RAPGEF6: variants seen among roughly 807,000 people sequenced by gnomAD.
RAPGEF6 encodes the protein Rap guanine nucleotide exchange factor 6, also known as PDZ domain containing guanine nucleotide exchange factor (GEF) 2.
A neutral mutation model predicts 171.4 loss-of-function variants in RAPGEF6; 56 were observed. That is an observed-to-expected ratio of 0.33 (90% CI 0.26 to 0.41). RAPGEF6 has a LOEUF of 0.41. Among genes scored for constraint, RAPGEF6 ranks in the 10% least tolerant of loss-of-function variants. The probability of loss-of-function intolerance (pLI) is 1.00; values close to 1 mark genes in which losing one functional copy is unlikely to be tolerated. For missense variants in RAPGEF6, 1,674 were observed against 1,921.4 expected (o/e 0.87, Z 2.41); for synonymous variants, 692 against 650.1 (o/e 1.06, Z -0.98).
Position 131,430,968 on chromosome 5 carries a change from CT to C in RAPGEF6, c.4355del (p.Gln1452ArgfsTer36). 1 of 1,614,188 alleles carries C rather than the reference CT, an allele frequency of 6.2e-7. No homozygotes were observed. The highest frequency in any genetic ancestry group is 8.5e-7 in the Non-Finnish European group (1 of 1,180,034). On this transcript the variant is annotated frameshift_variant, in exon 26 of 28. Coordinates refer to ENST00000509018, the MANE Select transcript of RAPGEF6 (RefSeq NM_016340.6). LOFTEE classifies it high-confidence loss of function. Reference sequence around the variant, plus strand: ...CAGCTGGGGTGCTCTCCAATACTCTCTGTTTAACTGTCCCATAGTTTGGTTC... The same window carrying C: ...CAGCTGGGGTGCTCTCCAATACTCTCGTTTAACTGTCCCATAGTTTGGTTC... The part of the protein sequence containing the change: ...TYEPNYGTVK[Q>X]RVLESTPAES...
intron 1 of RAPGEF6, among the ~76,000 whole-genome samples, chr5:131,633,766 G>A (rs554249762): frequency 2.0e-5 from 3 of 152,072 alleles, no homozygotes; most frequent in Non-Finnish European, 4.4e-5. Flanking sequence ...AAATTAAATT[G>A]AAACCTGCAA....
chr5:131,565,878 G>A (rs1034589491), intron 4 of RAPGEF6, among the ~76,000 whole-genome samples: 1 of 152,122 alleles, frequency 6.6e-6, no homozygotes, highest in Admixed American at 6.5e-5. Flanking sequence ...AGGTATAGTG[G>A]CTCACGCCTG....
intron 4 of RAPGEF6, among the ~76,000 whole-genome samples, chr5:131,568,532 A>G (rs1762087319): frequency 6.6e-6 from 1 of 152,118 alleles, no homozygotes; most frequent in South Asian, 2.1e-4. Flanking sequence ...GTTGACAAGC[A>G]GATCTCAAAC....
At chr5:131,560,390 C>T (rs1003733763) in intron 5 of RAPGEF6, among the ~76,000 whole-genome samples, 1 of 152,178 alleles carries the variant, frequency 6.6e-6, no homozygotes, top group East Asian at 1.9e-4. Flanking sequence ...CCTATGATTT[C>T]TCCTTTTCTT....
In RAPGEF6 at chr5:131,442,336, G is replaced by C. The variant is rs780537851; in HGVS notation, c.3610+13C>G. Reference sequence around the variant, plus strand: ...TCAGGTAAACGGATGTAATATTAATGGTGAATACTCACTCAGTGCAGGGTC... The same window carrying C: ...TCAGGTAAACGGATGTAATATTAATCGTGAATACTCACTCAGTGCAGGGTC... On this transcript the variant is annotated intron_variant, in intron 23 of 27. Transcript: ENST00000509018. The C allele has an allele frequency of 6.3e-7, 1 of 1,598,684 alleles. No individual in the cohort carries two copies. The highest frequency in any genetic ancestry group is 8.5e-7 in the Non-Finnish European group (1 of 1,171,444).
At chr5:131,479,348 G>C (rs1236127530) in intron 16 of RAPGEF6, among the ~76,000 whole-genome samples, 165 bp downstream of exon 16, 1 of 152,154 alleles carries the variant, frequency 6.6e-6, no homozygotes, top group Non-Finnish European at 1.5e-5. Flanking sequence ...TCATGAAAGT[G>C]ATAGGGAGAA....
chr5:131,585,808 A>C (rs1159045080), intron 4 of RAPGEF6, among the ~76,000 whole-genome samples: 1 of 152,166 alleles, frequency 6.6e-6, no homozygotes, highest in Non-Finnish European at 1.5e-5. Context: ...CCTGGGCGGC[A>C]AGAGCGAAAC....
At chr5:131,519,155 C>G (rs962641460) in intron 7 of RAPGEF6, among the ~76,000 whole-genome samples, 3 of 152,148 alleles carry the variant, frequency 2.0e-5, no homozygotes, top group Admixed American at 6.5e-5. Context: ...AGCAGGTGTA[C>G]TCCAGTCTCA....
chr5:131,479,245 CA>C (rs960744183), intron 16 of RAPGEF6, among the ~76,000 whole-genome samples: 2 of 150,546 alleles, frequency 1.3e-5, no homozygotes, highest in African/African-American at 4.9e-5. Flanking sequence ...AAAAGTGGAC[CA>C]AAAATATTTA....
intron 21 of RAPGEF6, among the ~76,000 whole-genome samples, chr5:131,451,304 C>T (rs1753049656): frequency 6.6e-6 from 1 of 152,128 alleles, no homozygotes; most frequent in Non-Finnish European, 1.5e-5. Flanking sequence ...GACACCTAGG[C>T]CGGGTGCAGT....
chr5:131,517,479 G>A (rs1758167564), intron 7 of RAPGEF6, among the ~76,000 whole-genome samples: 1 of 149,470 alleles, frequency 6.7e-6, no homozygotes, highest in South Asian at 2.2e-4. Flanking sequence ...CCCCTCAACT[G>A]TCCAAATTAA....
chr5:131,451,045 G>A (rs1223197869), intron 21 of RAPGEF6, among the ~76,000 whole-genome samples: 1 of 152,184 alleles, frequency 6.6e-6, no homozygotes, highest in Non-Finnish European at 1.5e-5. Context: ...AATAGAGAGT[G>A]TTAGGGTCAT....
intron 24 of RAPGEF6, 79 bp from the exon 25 acceptor site, chr5:131,433,737 A>G (rs1349428130): frequency 9.4e-7 from 1 of 1,069,338 alleles, no homozygotes; most frequent in East Asian, 2.5e-5. Context: ...GGATGAAAAA[A>G]AAAAACCCCA....
At chr5:131,625,684 C>T (rs753205274) in intron 1 of RAPGEF6, among the ~76,000 whole-genome samples, 5 of 151,960 alleles carry the variant, frequency 3.3e-5, no homozygotes, top group Non-Finnish European at 7.4e-5. Context: ...GGCATGGTGG[C>T]GAGCGGCAGT....
At chr5:131,622,008 A>C (rs1027252722) in intron 1 of RAPGEF6, among the ~76,000 whole-genome samples, 1 of 152,182 alleles carries the variant, frequency 6.6e-6, no homozygotes, top group Non-Finnish European at 1.5e-5. Flanking sequence ...AACTATCTTT[A>C]ATCTTTTATC....
At chr5:131,450,181 T>G (rs912429718) in intron 21 of RAPGEF6, 1 of 958,936 alleles carries the variant, frequency 1.0e-6, no homozygotes, top group Non-Finnish European at 1.6e-6. Context: ...AATTACAGCT[T>G]AACAGTAAAA....
chr5:131,529,426 A>G (rs1759211662), intron 6 of RAPGEF6, among the ~76,000 whole-genome samples: 1 of 151,374 alleles, frequency 6.6e-6, no homozygotes, highest in Admixed American at 6.6e-5. Context: ...CAGTGAGCGG[A>G]GATTGCACCA....
intron 19 of RAPGEF6, among the ~76,000 whole-genome samples, chr5:131,456,845 G>A (rs761976424): frequency 2.0e-5 from 3 of 152,096 alleles, no homozygotes; most frequent in Non-Finnish European, 4.4e-5. Flanking sequence ...ACCACTGTAA[G>A]AAGGATGAGT....
intron 3 of RAPGEF6, among the ~76,000 whole-genome samples, chr5:131,601,404 G>T (rs765338428): frequency 7.0e-5 from 10 of 142,734 alleles, no homozygotes; most frequent in Admixed American, 2.1e-4. Context: ...AAAAAAAAAA[G>T]GAAAAGTGGC....
Sources: allele counts gnomAD v4.1 joint callset (sites outside exome capture counted in the v4.1 genomes callset), GRCh38; gene constraint gnomAD v4.1.1; transcripts MANE v1.5; gene names NCBI Gene and HGNC (gene_info 2026-07-23, HGNC 2026-07-21).